TENM3: variants seen among roughly 807,000 people sequenced by gnomAD.
TENM3 encodes the protein teneurin-3.
TENM3 carries 63 observed loss-of-function variants against 255.1 expected under a neutral mutation model. The ratio of observed to expected loss-of-function variants is 0.25; its 90% CI spans 0.20 to 0.30. TENM3 has a LOEUF of 0.30. Ranked by LOEUF, TENM3 falls within the 10% of genes least tolerant of loss-of-function variation. TENM3 has a pLI of 1.00. For missense variants in TENM3, 2,929 were observed against 3,461.1 expected, an observed-to-expected ratio of 0.85 and a Z score of 3.86; for synonymous variants, 1,306 against 1,322.3, an observed-to-expected ratio of 0.99 and a Z score of 0.27.
the TENM3 span, among the ~76,000 whole-genome samples, chr4:181,871,966 G>A: frequency 1.3e-5 from 2 of 152,096 alleles, no homozygotes; most frequent in Non-Finnish European, 2.9e-5. Flanking sequence ...ACTTGATAGT[G>A]TTTTGCTAAA....
At chr4:182,744,879 G>A (rs1352263384) in intron 19 of TENM3, among the ~76,000 whole-genome samples, 2 of 151,968 alleles carry the variant, frequency 1.3e-5, no homozygotes, top group Admixed American at 6.6e-5. Flanking sequence ...CTGTGTACAC[G>A]TAGCTGCAGA....
intron 3 of TENM3, among the ~76,000 whole-genome samples, chr4:182,413,646 A>T (rs937498586): frequency 1.3e-5 from 2 of 152,096 alleles, no homozygotes; most frequent in South Asian, 2.1e-4. Flanking sequence ...CTACAAAAGA[A>T]CAACTCCCAA....
At chr4:181,811,667 C>A in the TENM3 span, among the ~76,000 whole-genome samples, 3 of 152,168 alleles carry the variant, frequency 2.0e-5, no homozygotes, top group Non-Finnish European at 4.4e-5. Flanking sequence ...TGGTGGCAGC[C>A]AAGAGAGCTT....
At chr4:182,382,484 A>C (rs1561388040) in intron 3 of TENM3, among the ~76,000 whole-genome samples, 1 of 152,114 alleles carries the variant, frequency 6.6e-6, no homozygotes, top group Non-Finnish European at 1.5e-5. Context: ...TTCACACTGC[A>C]GTTGAAGGAC....
At chr4:182,753,147 C>T (rs1483576969) in intron 20 of TENM3, among the ~76,000 whole-genome samples, 2 of 152,018 alleles carry the variant, frequency 1.3e-5, no homozygotes, top group South Asian at 2.1e-4. Flanking sequence ...AGGGTTTCAC[C>T]GTGTTGCCCA....
chr4:181,636,170 C>T, the TENM3 span, among the ~76,000 whole-genome samples: 7 of 152,020 alleles, frequency 4.6e-5, no homozygotes, highest in South Asian at 2.1e-4. Flanking sequence ...CTCAGCCTCC[C>T]GAGTAGCTGG....
intron 5 of TENM3, among the ~76,000 whole-genome samples, chr4:182,646,374 G>A (rs1581200878): frequency 6.6e-6 from 1 of 152,192 alleles, no homozygotes; most frequent in African/African-American, 2.4e-5. Flanking sequence ...TTGATGATGT[G>A]TGGCTAATAA....
intron 1 of TENM3, among the ~76,000 whole-genome samples, chr4:182,279,344 T>A (rs1359754835): frequency 6.6e-6 from 1 of 152,184 alleles, no homozygotes; most frequent in Non-Finnish European, 1.5e-5. Context: ...TTACTTGGAA[T>A]TATTATTATC....
At chr4:181,631,990 GTAAGA>G in the TENM3 span, among the ~76,000 whole-genome samples, 1 of 152,158 alleles carries the variant, frequency 6.6e-6, no homozygotes, top group Non-Finnish European at 1.5e-5. Flanking sequence ...GTTTTTTAGA[GTAAGA>G]TAAACCTATT....
At chr4:182,160,102 A>C (rs890771223) in intron 1 of TENM3, among the ~76,000 whole-genome samples, 1 of 150,042 alleles carries the variant, frequency 6.7e-6, no homozygotes, top group East Asian at 1.9e-4. Flanking sequence ...TCCCGGGTTC[A>C]CGCCATTCTC....
chr4:182,332,079 A>G (rs200722499), intron 2 of TENM3, among the ~76,000 whole-genome samples: 1 of 152,316 alleles, frequency 6.6e-6, no homozygotes, highest in Admixed American at 6.5e-5. Flanking sequence ...GAAACTGATT[A>G]TGTATTTGGC....
chr4:182,061,945 G>A, the TENM3 span, among the ~76,000 whole-genome samples: 990 of 152,136 alleles, frequency 6.5e-3, 9 homozygotes, highest in African/African-American at 0.022. Context: ...TGACAGAGCT[G>A]GACCCTGTCT....
chr4:181,770,776 G>A, the TENM3 span, among the ~76,000 whole-genome samples: 1 of 151,012 alleles, frequency 6.6e-6, no homozygotes, highest in Non-Finnish European at 1.5e-5. Context: ...ACATGCACAT[G>A]TAGCCCACAA....
At chr4:181,633,872 CAAACT>C in the TENM3 span, among the ~76,000 whole-genome samples, 1 of 152,200 alleles carries the variant, frequency 6.6e-6, no homozygotes, top group African/African-American at 2.4e-5. Flanking sequence ...TGCAAGGCAA[CAAACT>C]AATGTTCTTT....
chr4:182,211,040 T>A (rs1409567626), intron 1 of TENM3, among the ~76,000 whole-genome samples: 4 of 152,162 alleles, frequency 2.6e-5, no homozygotes, highest in Non-Finnish European at 5.9e-5. Context: ...CCTACCCTTG[T>A]CGCTGTCCCT....
the TENM3 span, among the ~76,000 whole-genome samples, chr4:181,518,374 G>A: frequency 0.022 from 3,405 of 152,028 alleles, 82 homozygotes; most frequent in East Asian, 0.076. Context: ...TTTGCTTAAT[G>A]GCACTTCTTA....
chr4:182,011,154 T>C, the TENM3 span, among the ~76,000 whole-genome samples: 1 of 152,166 alleles, frequency 6.6e-6, no homozygotes, highest in African/African-American at 2.4e-5. Context: ...GAAGTCCAGC[T>C]CCATGTATTC....
At chr4:182,246,361 C>T (rs1446443923) in intron 1 of TENM3, among the ~76,000 whole-genome samples, 1 of 150,842 alleles carries the variant, frequency 6.6e-6, no homozygotes, top group African/African-American at 2.4e-5. Context: ...ACCCCCGCCC[C>T]TCAGGAATAA....
chr4:181,466,765 G>T, the TENM3 span, among the ~76,000 whole-genome samples: 13 of 152,004 alleles, frequency 8.6e-5, no homozygotes, highest in Non-Finnish European at 1.0e-4. Context: ...GAAAACAATT[G>T]ATTAAAATGT....
Sources: allele counts gnomAD v4.1 joint callset (sites outside exome capture counted in the v4.1 genomes callset), GRCh38; gene constraint gnomAD v4.1.1; transcripts MANE v1.5; gene names NCBI Gene and HGNC (gene_info 2026-07-23, HGNC 2026-07-21).